Variants in TSC22D1 observed in about 807,000 individuals in gnomAD.
The protein encoded by TSC22D1 is TSC22 domain family member 1.
In TSC22D1, 9 loss-of-function variants were observed where a neutral mutation model predicts 74.2. The ratio of observed to expected loss-of-function variants is 0.12; its 90% CI spans 0.07 to 0.21. The LOEUF (loss-of-function observed/expected upper bound fraction) is 0.21. Ranked by LOEUF, TSC22D1 falls within the 10% of genes least tolerant of loss-of-function variation. The probability of loss-of-function intolerance (pLI) is 1.00; values close to 1 mark genes in which losing one functional copy is unlikely to be tolerated. For missense variants in TSC22D1, 1,427 were observed against 1,304.7 expected, an observed-to-expected ratio of 1.09 and a Z score of -1.44; for synonymous variants, 586 against 492.5, an observed-to-expected ratio of 1.19 and a Z score of -2.51.
intron 1 of TSC22D1, among the ~76,000 whole-genome samples, chr13:44,550,074 C>CA (rs1187487959): frequency 6.6e-6 from 1 of 151,646 alleles, no homozygotes; most frequent in East Asian, 1.9e-4. Context: ...AAAATGTTGC[C>CA]AAAAAGAAAA....
At position 44,482,633 on chromosome 13, in the gene TSC22D1, T is replaced by C. The variant is rs185105586; in HGVS notation, c.2913-46538A>G. On this transcript the variant is annotated intron_variant, in intron 1 of 2. Transcript: ENST00000458659. The stretch of plus-strand genomic sequence containing the variant: ...AGAGCTGAGACTGAAGACTCAACTT[T>C]GTTGTTTCTGCTCTACCATACTACC... Among the ~76,000 whole-genome samples the C allele has an allele frequency of 3.4e-3, 525 of 152,372 alleles. 1 individual carries two copies. Among genetic ancestry groups the C allele is most frequent in the Non-Finnish European group, 6.0e-3 (411 of 68,036 alleles).
intron 1 of TSC22D1, among the ~76,000 whole-genome samples, chr13:44,549,809 G>A (rs574937591): frequency 4.6e-5 from 7 of 150,792 alleles, no homozygotes; most frequent in South Asian, 2.1e-4. Flanking sequence ...AGGCGGCGGC[G>A]GCAAGAACAG....
chr13:44,563,758 A>G (rs9533909), intron 1 of TSC22D1, among the ~76,000 whole-genome samples: 16,325 of 152,266 alleles, frequency 0.11, 948 homozygotes, highest in Non-Finnish European at 0.12. Context: ...TTGAAAACCC[A>G]AGTTCCAGGT....
intron 1 of TSC22D1, among the ~76,000 whole-genome samples, chr13:44,485,106 T>A (rs1307447025): frequency 1.3e-5 from 2 of 152,126 alleles, no homozygotes; most frequent in African/African-American, 2.4e-5. Flanking sequence ...ATAGAAGCAA[T>A]AAGGAGCAGG....
chr13:44,444,459 A>G (rs1875473778), intron 1 of TSC22D1, among the ~76,000 whole-genome samples: 1 of 151,958 alleles, frequency 6.6e-6, no homozygotes, highest in African/African-American at 2.4e-5. Context: ...AAATATAAAA[A>G]CACAAATAGG....
rs150854577 is a variant in TSC22D1 at position 44,456,291 on chromosome 13, C to T, written c.2913-20196G>A. 1.3e-3 allele frequency among the ~76,000 whole-genome samples: 203 copies of T among 152,290 alleles called. 1 individual carries two copies. Among genetic ancestry groups the T allele is most frequent in the African/African-American group, 4.5e-3 (187 of 41,540 alleles). On this transcript the variant is annotated intron_variant, in intron 1 of 2. Transcript: ENST00000458659. Reference sequence around the variant, plus strand: ...CTGGCTGGAGTAGCCAGCTTTTATTCCCTTATTTGGCCCTGCCCACATCCT... The same window carrying T: ...CTGGCTGGAGTAGCCAGCTTTTATTTCCTTATTTGGCCCTGCCCACATCCT...
At chr13:44,504,845 A>C (rs1879375365) in intron 1 of TSC22D1, among the ~76,000 whole-genome samples, 1 of 152,212 alleles carries the variant, frequency 6.6e-6, no homozygotes, top group Non-Finnish European at 1.5e-5. Flanking sequence ...AGAGGTACTA[A>C]AAAGCTCTAT....
chr13:44,438,672 T>C (rs1352519761), intron 1 of TSC22D1, among the ~76,000 whole-genome samples: 2 of 152,110 alleles, frequency 1.3e-5, no homozygotes, highest in Non-Finnish European at 2.9e-5. Flanking sequence ...AAAAATTACA[T>C]ATATTAACTC....
rs777490628 is a variant in TSC22D1 at position 44,576,041 on chromosome 13, CGGCCGCGGCGGT to C, written c.22_33del (p.Thr8_Ala11del). ...CTAGCGCTAATGTCTGCAGCGGCGG[CGGCCGCGGCGGT>C]GGACTCAGGCGGCTGGTGCATTGTG... On this transcript the variant is annotated inframe_deletion, in exon 1 of 3. Coordinates refer to ENST00000458659, the MANE Select transcript of TSC22D1 (RefSeq NM_183422.4). 57 of 1,571,606 alleles carry C rather than the reference CGGCCGCGGCGGT, an allele frequency of 3.6e-5. No homozygotes were observed. Among genetic ancestry groups the C allele is most frequent in the African/African-American group, 6.7e-5 (5 of 74,218 alleles).
At chr13:44,516,689 A>G (rs1371455881) in intron 1 of TSC22D1, among the ~76,000 whole-genome samples, 1 of 152,246 alleles carries the variant, frequency 6.6e-6, no homozygotes, top group African/African-American at 2.4e-5. Context: ...AAAGTACCCC[A>G]TCAAGAATCC....
intron 1 of TSC22D1, among the ~76,000 whole-genome samples, chr13:44,567,273 T>C (rs937986645): frequency 6.6e-6 from 1 of 152,130 alleles, no homozygotes; most frequent in Non-Finnish European, 1.5e-5. Flanking sequence ...TAGGAGGATA[T>C]ACAAGAAGAA....
chr13:44,558,830 T>C (rs187477593), intron 1 of TSC22D1, among the ~76,000 whole-genome samples: 5 of 152,316 alleles, frequency 3.3e-5, no homozygotes, highest in African/African-American at 1.2e-4. Flanking sequence ...ATCATGATCG[T>C]TATTATGGGA....
intron 1 of TSC22D1, among the ~76,000 whole-genome samples, chr13:44,550,631 C>T (rs1388040392): frequency 6.6e-6 from 1 of 150,756 alleles, no homozygotes; most frequent in African/African-American, 2.4e-5. Context: ...AGCTAGTGTA[C>T]ATTCCCTTCA....
chr13:44,442,840 C>G (rs1875305328), intron 1 of TSC22D1, among the ~76,000 whole-genome samples: 1 of 143,582 alleles, frequency 7.0e-6, no homozygotes, highest in African/African-American at 2.6e-5. Context: ...ACCCAGGAGG[C>G]AGAGGTTGGA....
At chr13:44,517,855 A>ATTTT (rs1262351609) in intron 1 of TSC22D1, among the ~76,000 whole-genome samples, 2 of 23,542 alleles carry the variant, frequency 8.5e-5, no homozygotes, top group Admixed American at 5.4e-4. Flanking sequence ...ATATATATAT[A>ATTTT]TATTTTTTTT....
At chr13:44,557,688 T>C (rs1191369440) in intron 1 of TSC22D1, among the ~76,000 whole-genome samples, 1 of 152,246 alleles carries the variant, frequency 6.6e-6, no homozygotes, top group African/African-American at 2.4e-5. Flanking sequence ...TAAAATGTGC[T>C]ATTATTCAAC....
rs556107034 is a variant in TSC22D1, at chr13:44,547,767, T to C, written c.2912+25396A>G. Among the ~76,000 whole-genome samples, 202 of 152,228 alleles carry C rather than the reference T, an allele frequency of 1.3e-3. 2 individuals are homozygous for C. The highest frequency in any genetic ancestry group is 4.6e-3 in the African/African-American group (191 of 41,534). ...AACTTACTGAGAGCTTAGTATATGGTAGGTAATGTATTATGCTTTTAAAAA... is the reference window on the plus strand; with the variant it reads ...AACTTACTGAGAGCTTAGTATATGGCAGGTAATGTATTATGCTTTTAAAAA... On this transcript the variant is annotated intron_variant, in intron 1 of 2. Coordinates refer to ENST00000458659, the MANE Select transcript of TSC22D1 (RefSeq NM_183422.4).
chr13:44,472,943 T>C (rs1877691801), intron 1 of TSC22D1, among the ~76,000 whole-genome samples: 1 of 152,198 alleles, frequency 6.6e-6, no homozygotes, highest in Admixed American at 6.5e-5. Flanking sequence ...AGAGATTTAC[T>C]TGGACTTGCA....
At chr13:44,576,382 G>A (rs1229168680), upstream of TSC22D1, 2 of 313,090 alleles carry the variant, frequency 6.4e-6, no homozygotes, top group Middle Eastern at 8.8e-4. Context: ...GGGGTGCGGG[G>A]CAGGAGGGAG....
Sources: gnomAD v4.1 joint callset for allele counts (sites outside exome capture counted in the v4.1 genomes callset) on GRCh38, gnomAD v4.1.1 for gene constraint, MANE v1.5 for transcripts, NCBI Gene and HGNC (gene_info 2026-07-23, HGNC 2026-07-21) for gene names.